ADAM12: variants seen among roughly 807,000 people sequenced by gnomAD.
ADAM12 encodes disintegrin and metalloproteinase domain-containing protein 12.
A neutral mutation model predicts 106.4 loss-of-function variants in ADAM12; 70 were observed. The ratio of observed to expected loss-of-function variants is 0.66; its 90% confidence interval spans 0.54 to 0.80. The LOEUF is 0.80. Ranked by LOEUF, ADAM12 falls within the 30% of genes least tolerant of loss-of-function variation. The pLI is 0.00. For missense variants in ADAM12, 1,010 were observed against 1,171.9 expected (o/e 0.86, Z 2.02); for synonymous variants, 420 against 433.5 (o/e 0.97, Z 0.39).
chr10:126,317,208 C>T (rs990063524), intron 2 of ADAM12, among the ~76,000 whole-genome samples: 4 of 152,126 alleles, frequency 2.6e-5, no homozygotes, highest in African/African-American at 7.2e-5. Flanking sequence ...CCTGAGACAC[C>T]TCTGGGGTGG....
chr10:126,065,078 G>C, intron 13 of ADAM12, 77 bp from the exon 14 acceptor site: 1 of 1,453,360 alleles, frequency 6.9e-7, no homozygotes, highest in Non-Finnish European at 9.3e-7. Flanking sequence ...TCCTGGGCTG[G>C]AGTGGACAAG....
intron 3 of ADAM12, among the ~76,000 whole-genome samples, chr10:126,183,760 C>G (rs1225572913): frequency 6.6e-6 from 1 of 152,116 alleles, no homozygotes; most frequent in Admixed American, 6.5e-5. Flanking sequence ...ATCTTTTCTC[C>G]TAGAGCCACA....
chr10:126,339,432 G>A (rs1213398778), intron 1 of ADAM12, among the ~76,000 whole-genome samples: 1 of 152,156 alleles, frequency 6.6e-6, no homozygotes, highest in Non-Finnish European at 1.5e-5. Flanking sequence ...CTGGATGACT[G>A]ACTTCTTTGG....
chr10:126,373,339 C>CAGCT (rs1231260121), intron 1 of ADAM12, among the ~76,000 whole-genome samples: 1 of 152,136 alleles, frequency 6.6e-6, no homozygotes, highest in African/African-American at 2.4e-5. Flanking sequence ...GAGATGGGAA[C>CAGCT]AGCTGATGGC....
chr10:126,036,409 TCTGTTATAG>T (rs1399591856), intron 20 of ADAM12, 84 bp from the exon 21 acceptor site: 13 of 1,425,678 alleles, frequency 9.1e-6, no homozygotes, highest in Non-Finnish European at 1.2e-5. Context: ...TGCTAACTCA[TCTGTTATAG>T]CTGAAGGCCA....
At chr10:126,024,863 G>C (rs1002545833) in intron 21 of ADAM12, among the ~76,000 whole-genome samples, 1 of 137,856 alleles carries the variant, frequency 7.3e-6, no homozygotes, top group Non-Finnish European at 1.6e-5. Flanking sequence ...AAAAAAAAAA[G>C]CAGGGTGAGG....
At chr10:126,027,853 G>A (rs1030736499) in intron 21 of ADAM12, among the ~76,000 whole-genome samples, 1 of 152,106 alleles carries the variant, frequency 6.6e-6, no homozygotes, top group Non-Finnish European at 1.5e-5. Context: ...TTCTGGGAAG[G>A]GCAATCAGGC....
intron 3 of ADAM12, among the ~76,000 whole-genome samples, chr10:126,263,047 C>G (rs538158528): frequency 2.6e-5 from 4 of 152,320 alleles, no homozygotes; most frequent in South Asian, 4.1e-4. Flanking sequence ...AGGAGCCACT[C>G]GCTCAGGGTT....
chr10:126,241,356 T>G (rs535353551), intron 3 of ADAM12, among the ~76,000 whole-genome samples: 1 of 152,252 alleles, frequency 6.6e-6, no homozygotes, highest in African/African-American at 2.4e-5. Flanking sequence ...AACTGTACCC[T>G]TTAAAATGGT....
At chr10:126,356,099 C>T (rs1466181234) in intron 1 of ADAM12, among the ~76,000 whole-genome samples, 3 of 152,196 alleles carry the variant, frequency 2.0e-5, no homozygotes, top group African/African-American at 7.2e-5. Flanking sequence ...CCCTAAGGCC[C>T]TGGTTAGGCA....
At chr10:126,319,482 C>A (rs1431130127) in intron 2 of ADAM12, among the ~76,000 whole-genome samples, 1 of 152,152 alleles carries the variant, frequency 6.6e-6, no homozygotes, top group East Asian at 1.9e-4. Context: ...GAGAAAAACG[C>A]TGGAAAATCC....
intron 3 of ADAM12, among the ~76,000 whole-genome samples, chr10:126,269,758 G>A (rs916783132): frequency 1.3e-4 from 20 of 152,304 alleles, no homozygotes; most frequent in Admixed American, 7.8e-4. Context: ...TGCAAGGGAT[G>A]TAATGAAATG....
At position 126,104,327 on chromosome 10, in the gene ADAM12, G is replaced by A. The variant is rs979570310; in HGVS notation, c.742-3086C>T. ...TAGTCAGGCCTGATGGTGGGTGCCT[G>A]TAATCCTAGCTACTCGGGAAGCTGA... On this transcript the variant is annotated intron_variant, in intron 8 of 22. Transcript: ENST00000448723. Among the ~76,000 whole-genome samples, 5 of 151,920 alleles carry A rather than the reference G, an allele frequency of 3.3e-5. No homozygotes were observed. In the South Asian group the frequency reaches 1.0e-3, roughly 32 times the overall value.
At position 126,112,697 on chromosome 10, in the gene ADAM12, T is replaced by C. The variant is rs1028095124; in HGVS notation, c.604-2857A>G. ...AATAAATCCTCATTGCAATTCTTTC[T>C]TCATATGGGTCAGACCATTTGTATA... On this transcript the variant is annotated intron_variant, in intron 6 of 22. Coordinates refer to ENST00000448723, the MANE Select transcript of ADAM12 (RefSeq NM_001288973.2). Among the ~76,000 whole-genome samples the C allele has an allele frequency of 2.0e-5, 3 of 152,366 alleles. No homozygotes were observed. The East Asian group carries it at 5.8e-4, about 29-fold the overall frequency.
rs1856513303 is a variant in ADAM12, at chr10:126,382,067, G to A, written c.88+5991C>T. Among the ~76,000 whole-genome samples the A allele has an allele frequency of 2.0e-5, 3 of 152,136 alleles. No homozygotes were observed. The South Asian group carries it at 6.2e-4, about 32-fold the overall frequency. Reference sequence around the variant, plus strand: ...TGGACAAGTTGTTACCTATTTAGCAGGGAAGAGAGAATGGGAACTTATGAC... The same window carrying A: ...TGGACAAGTTGTTACCTATTTAGCAAGGAAGAGAGAATGGGAACTTATGAC... On this transcript the variant is annotated intron_variant, in intron 1 of 22. Transcript: ENST00000448723.
chr10:126,118,305 A>G, intron 5 of ADAM12, 81 bp from the exon 6 acceptor site: 1 of 1,013,670 alleles, frequency 9.9e-7, no homozygotes, highest in Admixed American at 2.8e-5. Context: ...TCTTAACAAG[A>G]GAGAGAATGA....
chr10:126,128,838 C>T (rs1405498172), intron 5 of ADAM12, among the ~76,000 whole-genome samples: 1 of 117,968 alleles, frequency 8.5e-6, no homozygotes, highest in African/African-American at 3.3e-5. Flanking sequence ...GTGTGTGGTG[C>T]GTGTGGGAAT....
intron 3 of ADAM12, among the ~76,000 whole-genome samples, chr10:126,219,325 C>T (rs2133849782): frequency 6.6e-6 from 1 of 152,308 alleles, no homozygotes; most frequent in African/African-American, 2.4e-5. Flanking sequence ...AGGCTCTGCT[C>T]AGATTGAACC....
intron 11 of ADAM12, among the ~76,000 whole-genome samples, chr10:126,090,411 T>C (rs1051220625): frequency 6.6e-6 from 1 of 151,900 alleles, no homozygotes; most frequent in Admixed American, 6.6e-5. Context: ...TTACGCTAAA[T>C]ATTCTTTGCT....
Sources: allele counts gnomAD v4.1 joint callset (sites outside exome capture counted in the v4.1 genomes callset), GRCh38; gene constraint gnomAD v4.1.1; transcripts MANE v1.5; gene names NCBI Gene and HGNC (gene_info 2026-07-23, HGNC 2026-07-21).